DNAJC1: variants seen among roughly 807,000 people sequenced by gnomAD.
DNAJC1 encodes the protein dnaJ homolog subfamily C member 1.
DNAJC1 carries 58 observed loss-of-function variants against 76.6 expected under a neutral mutation model. The observed-to-expected ratio is 0.76, with a 90% CI of 0.61 to 0.94. The LOEUF (loss-of-function observed/expected upper bound fraction) is 0.94, where lower values mean the gene tolerates loss of function less well. Ranked by LOEUF, DNAJC1 falls within the 40% of genes least tolerant of loss-of-function variation. The pLI is 0.00. For missense variants in DNAJC1, 689 were observed against 677.3 expected (o/e 1.02, Z -0.19); for synonymous variants, 258 against 267.9 (o/e 0.96, Z 0.36).
chr10:21,848,155 T>A (rs147608969), intron 8 of DNAJC1, among the ~76,000 whole-genome samples: 1 of 152,304 alleles, frequency 6.6e-6, no homozygotes, highest in Non-Finnish European at 1.5e-5. Context: ...TCACTTTAAC[T>A]GGGGTCAGAT....
At chr10:21,941,281 A>C (rs1177972774) in intron 1 of DNAJC1, among the ~76,000 whole-genome samples, 11 of 149,578 alleles carry the variant, frequency 7.4e-5, no homozygotes, top group African/African-American at 2.7e-4. Flanking sequence ...AAAAAAAAAA[A>C]AAAAAAAAAA....
At chr10:21,906,199 A>G (rs962442151) in intron 6 of DNAJC1, among the ~76,000 whole-genome samples, 4 of 152,068 alleles carry the variant, frequency 2.6e-5, no homozygotes, top group African/African-American at 9.7e-5. Context: ...CCTCATTTCT[A>G]TGAGGATTCA....
intron 8 of DNAJC1, among the ~76,000 whole-genome samples, chr10:21,879,131 T>C (rs1836231634): frequency 6.6e-6 from 1 of 152,160 alleles, no homozygotes; most frequent in South Asian, 2.1e-4. Context: ...GCAGAAAGCA[T>C]GGTTTCTGCA....
intron 6 of DNAJC1, among the ~76,000 whole-genome samples, chr10:21,912,491 T>C (rs1412643284): frequency 1.3e-5 from 2 of 152,178 alleles, no homozygotes; most frequent in Non-Finnish European, 2.9e-5. Flanking sequence ...CTGTCTTATG[T>C]TGTAAGGTCA....
chr10:21,774,720 G>A (rs935958846), intron 9 of DNAJC1, among the ~76,000 whole-genome samples: 15 of 152,100 alleles, frequency 9.9e-5, no homozygotes, highest in South Asian at 4.1e-4. Flanking sequence ...CTCGTGATCC[G>A]CCTGCCTCAG....
chr10:21,786,367 A>T (rs1296579026), intron 9 of DNAJC1, among the ~76,000 whole-genome samples: 1 of 150,090 alleles, frequency 6.7e-6, no homozygotes, highest in East Asian at 2.0e-4. Flanking sequence ...TTTCCCACCC[A>T]TAACAATCTC....
Position 21,766,286 on chromosome 10 carries a change from C to G in DNAJC1, c.1122G>C (p.Leu374=), listed in dbSNP as rs766847006. 3.5e-5 allele frequency: 56 copies of G among 1,613,790 alleles called. No homozygotes were observed. The highest frequency in any genetic ancestry group is 4.6e-5 in the Non-Finnish European group (54 of 1,179,826). Residue 374 remains leucine, a synonymous_variant, in exon 10 of 12, where the codon CTG becomes CTC. Transcript: ENST00000376980. ...VTDVTTKAKQ[L]KDSVTCSPGM... The stretch of plus-strand genomic sequence containing the variant: ...CTGGGGAGCAGGTCACTGAATCCTT[C>G]AGTTGCTTGGCTTTGGTTGTCACCT...
intron 8 of DNAJC1, among the ~76,000 whole-genome samples, chr10:21,858,715 C>G (rs768603084): frequency 7.2e-5 from 11 of 152,128 alleles, no homozygotes; most frequent in Non-Finnish European, 1.3e-4. Flanking sequence ...ATAACGAGAA[C>G]AGGAATGAAA....
At chr10:21,884,367 T>C (rs952037651) in intron 7 of DNAJC1, among the ~76,000 whole-genome samples, 3 of 152,182 alleles carry the variant, frequency 2.0e-5, no homozygotes, top group Non-Finnish European at 2.9e-5. Context: ...TACCAAGATA[T>C]AATTTTATAC....
chr10:22,001,964 G>A (rs1340872924), intron 1 of DNAJC1, among the ~76,000 whole-genome samples: 1 of 152,192 alleles, frequency 6.6e-6, no homozygotes. Flanking sequence ...TTACAAAGTT[G>A]CTTGCACATA....
intron 1 of DNAJC1, among the ~76,000 whole-genome samples, chr10:21,988,711 A>G (rs1455900852): frequency 1.3e-5 from 2 of 152,194 alleles, no homozygotes; most frequent in Non-Finnish European, 2.9e-5. Context: ...AAGACTGATT[A>G]TAAGAAAACA....
At chr10:21,981,392 A>C (rs1024074773) in intron 1 of DNAJC1, among the ~76,000 whole-genome samples, 1 of 152,212 alleles carries the variant, frequency 6.6e-6, no homozygotes, top group Admixed American at 6.5e-5. Flanking sequence ...TTGCCATGGA[A>C]TTGAGAGCAG....
At chr10:21,958,820 AT>A (rs564997548) in intron 1 of DNAJC1, among the ~76,000 whole-genome samples, 1 of 151,686 alleles carries the variant, frequency 6.6e-6, no homozygotes, top group African/African-American at 2.4e-5. Flanking sequence ...AAAAATCACT[AT>A]TTTTTTTGCA....
At position 21,838,524 on chromosome 10, in the gene DNAJC1, C is replaced by A. The variant is rs182607929; in HGVS notation, c.979-32425G>T. Among the ~76,000 whole-genome samples the A allele has an allele frequency of 2.8e-3, 432 of 152,256 alleles. 2 individuals are homozygous for A. The highest frequency in any genetic ancestry group is 0.01 in the African/African-American group (419 of 41,550). ...GTCCTCTGCCTAGGAAAACCAGAGA[C>A]CCTTGTTCACTTGTTTATCTGCTGA... is the stretch of plus-strand genomic sequence containing the variant. On this transcript the variant is annotated intron_variant, in intron 8 of 11. Transcript: ENST00000376980.
chr10:21,945,932 C>CGT (rs1837496652), intron 1 of DNAJC1, among the ~76,000 whole-genome samples: 1 of 55,884 alleles, frequency 1.8e-5, no homozygotes, highest in African/African-American at 1.6e-4. Context: ...AGTGTTTCTT[C>CGT]ATAAATTCCA....
At chr10:21,827,706 C>A (rs1405357737) in intron 8 of DNAJC1, among the ~76,000 whole-genome samples, 1 of 152,184 alleles carries the variant, frequency 6.6e-6, no homozygotes, top group African/African-American at 2.4e-5. Flanking sequence ...CCATTCTAAT[C>A]TAGCATGACC....
chr10:21,804,363 C>T (rs1057015307), intron 9 of DNAJC1, among the ~76,000 whole-genome samples: 2 of 151,764 alleles, frequency 1.3e-5, no homozygotes, highest in African/African-American at 2.4e-5. Context: ...AGTTTAGGGC[C>T]TTTTTAAACC....
chr10:21,819,477 A>G lies in DNAJC1; in HGVS notation c.979-13378T>C, dbSNP rs114013029. The stretch of plus-strand genomic sequence containing the variant: ...ACGCTTTGAAATTCAAAATTTTAAA[A>G]TGTATTGCTTTACCACTGATATAAT... On this transcript the variant is annotated intron_variant, in intron 8 of 11. Transcript: ENST00000376980. Among the ~76,000 whole-genome samples, 904 of 152,288 alleles carry G rather than the reference A, an allele frequency of 5.9e-3. 6 individuals carry two copies. The highest frequency in any genetic ancestry group is 0.02 in the African/African-American group (829 of 41,568).
At chr10:21,842,139 C>T in intron 8 of DNAJC1, among the ~76,000 whole-genome samples, 1 of 150,778 alleles carries the variant, frequency 6.6e-6, no homozygotes, top group South Asian at 2.1e-4. Context: ...GGAGATATAC[C>T]TAATGCTAAA....
Sources: allele counts gnomAD v4.1 joint callset (sites outside exome capture counted in the v4.1 genomes callset), GRCh38; gene constraint gnomAD v4.1.1; transcripts MANE v1.5; gene names NCBI Gene and HGNC (gene_info 2026-07-23, HGNC 2026-07-21).